Variants in IFT81 observed in about 807,000 individuals in gnomAD.
The protein encoded by IFT81 is intraflagellar transport protein 81 homolog.
IFT81 carries 72 observed loss-of-function variants against 102.6 expected under a neutral mutation model. The ratio of observed to expected loss-of-function variants is 0.70; its 90% CI spans 0.58 to 0.85. IFT81 has a LOEUF of 0.85. Ranked by LOEUF, IFT81 falls within the 40% of genes least tolerant of loss-of-function variation. The pLI is 0.00. For synonymous variants in IFT81, 237 were observed against 242.7 expected (o/e 0.98, Z 0.22); for missense variants, 723 against 787.3 (o/e 0.92, Z 0.98).
At position 110,162,849 on chromosome 12, in the gene IFT81, G is replaced by C. The variant is rs571373960; in HGVS notation, c.1042-70G>C. 8.2e-6 allele frequency: 11 copies of C among 1,341,778 alleles called. No individual in the cohort carries two copies. In the East Asian group the frequency reaches 2.2e-4, roughly 27 times the overall value. 83.1% of individuals were successfully genotyped at this position (1,341,778 alleles called of 1,614,324 possible). A position where few individuals can be genotyped will look rare whatever the true frequency, so the allele number is the denominator to read the frequency against. On this transcript the variant is annotated intron_variant, in intron 10 of 18. Transcript: ENST00000242591. ...ATAACTTGGTAAAATCTAAAAAATA[G>C]ATAATTTCACAAGATAATAGAAAGT... is the stretch of plus-strand genomic sequence containing the variant.
intron 14 of IFT81, among the ~76,000 whole-genome samples, chr12:110,202,562 C>T (rs1898346413): frequency 6.6e-6 from 1 of 151,794 alleles, no homozygotes; most frequent in African/African-American, 2.4e-5. Context: ...AAGTGATTCT[C>T]CTGCCTCAGC....
intron 11 of IFT81, among the ~76,000 whole-genome samples, chr12:110,164,408 A>G (rs1896324212): frequency 6.6e-6 from 1 of 152,214 alleles, no homozygotes; most frequent in South Asian, 2.1e-4. Context: ...GCAATAGGTC[A>G]TATTTTAATT....
Position 110,137,235 on chromosome 12 carries a change from G to C in IFT81, c.781+375G>C, listed in dbSNP as rs551172626. On this transcript the variant is annotated intron_variant, in intron 8 of 18. Coordinates refer to ENST00000242591, the MANE Select transcript of IFT81 (RefSeq NM_014055.4). ...GGTGCCTGTAATCCCAGCTACTCAG[G>C]GGGCTGAGGCAGGAGAATCACTTGA... Among the ~76,000 whole-genome samples, 3 of 152,268 alleles carry C rather than the reference G, an allele frequency of 2.0e-5. No individual in the cohort carries two copies. In the South Asian group the frequency reaches 6.2e-4, roughly 32 times the overall value.
chr12:110,170,916 T>G (rs1896698499), intron 11 of IFT81, among the ~76,000 whole-genome samples: 1 of 152,232 alleles, frequency 6.6e-6, no homozygotes, highest in Non-Finnish European at 1.5e-5. Flanking sequence ...TGAAATCTTC[T>G]TTAAATACTT....
At chr12:110,183,737 A>G (rs1314242649) in intron 12 of IFT81, among the ~76,000 whole-genome samples, 2 of 152,154 alleles carry the variant, frequency 1.3e-5, no homozygotes, top group African/African-American at 2.4e-5. Context: ...GCTGTCTTGC[A>G]TCTTCCAGGG....
chr12:110,191,539 T>A (rs761362324), intron 13 of IFT81, among the ~76,000 whole-genome samples: 10 of 152,186 alleles, frequency 6.6e-5, no homozygotes, highest in Non-Finnish European at 1.0e-4. Context: ...TCTAATAGTT[T>A]ATGCATTTTC....
intron 14 of IFT81, among the ~76,000 whole-genome samples, chr12:110,197,987 C>T (rs1898091356): frequency 6.6e-6 from 1 of 152,182 alleles, no homozygotes; most frequent in Admixed American, 6.5e-5. Flanking sequence ...ACTGGGATTA[C>T]AGGCATGAGC....
chr12:110,179,638 T>C (rs1270064485), intron 11 of IFT81, among the ~76,000 whole-genome samples: 1 of 148,658 alleles, frequency 6.7e-6, no homozygotes, highest in Non-Finnish European at 1.5e-5. Flanking sequence ...GGAGAATTGC[T>C]TGATCCCAGG....
At chr12:110,204,243 A>C in intron 15 of IFT81, 1 of 289,478 alleles carries the variant, frequency 3.5e-6, no homozygotes, top group Non-Finnish European at 6.6e-6. Context: ...TTATTTCTTT[A>C]ATTTGTACAC....
intron 14 of IFT81, chr12:110,203,194 A>T (rs1447136693): frequency 6.6e-6 from 1 of 152,584 alleles, no homozygotes; most frequent in African/African-American, 2.4e-5. Flanking sequence ...TGAACCCAGG[A>T]GGCGGAGGTT....
intron 14 of IFT81, among the ~76,000 whole-genome samples, chr12:110,198,196 C>T (rs1479905076): frequency 1.2e-4 from 18 of 151,124 alleles, no homozygotes; most frequent in African/African-American, 3.6e-4. Flanking sequence ...ATACAATTTC[C>T]TTGTTTTGTG....
At chr12:110,200,447 A>T (rs973253164) in intron 14 of IFT81, among the ~76,000 whole-genome samples, 1 of 152,188 alleles carries the variant, frequency 6.6e-6, no homozygotes, top group South Asian at 2.1e-4. Context: ...TAAAAGATTT[A>T]AAATGGTATG....
intron 8 of IFT81, among the ~76,000 whole-genome samples, chr12:110,141,237 C>T (rs1317566332): frequency 6.6e-6 from 1 of 151,960 alleles, no homozygotes; most frequent in East Asian, 1.9e-4. Flanking sequence ...GGGGTTTCTC[C>T]ATGTTGGTCA....
At chr12:110,217,541 T>G (rs1206381023) in intron 18 of IFT81, among the ~76,000 whole-genome samples, 1 of 151,784 alleles carries the variant, frequency 6.6e-6, no homozygotes, top group African/African-American at 2.4e-5. Flanking sequence ...TTTTGTGTAG[T>G]TTTTTTTGTT....
At chr12:110,125,078 C>A (rs1893749904) in intron 1 of IFT81, among the ~76,000 whole-genome samples, 1 of 152,004 alleles carries the variant, frequency 6.6e-6, no homozygotes, top group African/African-American at 2.4e-5. Context: ...ACTAGTTTAT[C>A]CAGATTTTTT....
At position 110,218,146 on chromosome 12, in the gene IFT81, C is replaced by G. The variant is rs1870378032; in HGVS notation, c.1951C>G (p.Gln651Glu). 1 of 1,593,396 alleles carries G rather than the reference C, an allele frequency of 6.3e-7. No homozygotes were observed. Residue 651 changes from glutamine (Q) to glutamate (E), a missense_variant, in exon 19 of 19, where the codon CAG (glutamine) becomes GAG (glutamate). Gln to Glu is a conservative substitution (Grantham distance 29, BLOSUM62 2). Coordinates refer to ENST00000242591, the MANE Select transcript of IFT81 (RefSeq NM_014055.4). ...GGAACAATTAATGGAATGTAAGAAACAGTGCTTTCTGAAACAACAAAGCCA... is the reference window on the plus strand; with the variant it reads ...GGAACAATTAATGGAATGTAAGAAAGAGTGCTTTCTGAAACAACAAAGCCA... ...DLEQLMECKK[Q>E]CFLKQQSQTS...
chr12:110,141,755 G>A (rs928305757), intron 8 of IFT81, among the ~76,000 whole-genome samples: 2 of 152,066 alleles, frequency 1.3e-5, no homozygotes, highest in Non-Finnish European at 2.9e-5. Context: ...GGTAGTGTGC[G>A]ACTAATTCCA....
chr12:110,187,019 A>G (rs1386739064), intron 12 of IFT81, among the ~76,000 whole-genome samples: 2 of 136,648 alleles, frequency 1.5e-5, no homozygotes, highest in African/African-American at 5.5e-5. Flanking sequence ...CTACTGTGCT[A>G]TTTTTCCAGT....
At chr12:110,138,514 C>A (rs544870936) in intron 8 of IFT81, among the ~76,000 whole-genome samples, 45 of 151,780 alleles carry the variant, frequency 3.0e-4, no homozygotes, top group African/African-American at 1.1e-3. Flanking sequence ...CTCACCGCAG[C>A]CTCCGCCTCC....
Sources: allele counts gnomAD v4.1 joint callset (sites outside exome capture counted in the v4.1 genomes callset), GRCh38; gene constraint gnomAD v4.1.1; transcripts MANE v1.5; gene names NCBI Gene and HGNC (gene_info 2026-07-23, HGNC 2026-07-21).